The following TRIP12 variants were observed in gnomAD, a reference collection of about 807,000 sequenced individuals.
TRIP12 encodes thyroid hormone receptor interactor 12, also known as E3 ubiquitin-protein ligase TRIP12.
In TRIP12, 25 loss-of-function variants were observed where a neutral mutation model predicts 244.2. The ratio of observed to expected loss-of-function variants is 0.10; its 90% CI spans 0.07 to 0.14. The LOEUF is 0.14. Among genes scored for constraint, TRIP12 ranks in the 10% least tolerant of loss-of-function variants. TRIP12 has a pLI of 1.00. For missense variants in TRIP12, 1,677 were observed against 2,486.4 expected (o/e 0.67, Z 6.92); for synonymous variants, 905 against 873.1 (o/e 1.04, Z -0.64).
chr2:229,895,229 A>G (rs544121982), intron 1 of TRIP12, among the ~76,000 whole-genome samples: 19 of 152,332 alleles, frequency 1.2e-4, no homozygotes, highest in African/African-American at 4.3e-4. Context: ...AAAATAATAA[A>G]GCTCAGACAG....
At chr2:229,817,167 C>A (rs2154285785) in intron 9 of TRIP12, among the ~76,000 whole-genome samples, 1 of 152,276 alleles carries the variant, frequency 6.6e-6, no homozygotes, top group East Asian at 1.9e-4. Context: ...AAGCTATCTC[C>A]ATAATTTGAT....
At chr2:229,787,419 A>G in intron 33 of TRIP12, 86 bp downstream of exon 33, 2 of 1,401,840 alleles carry the variant, frequency 1.4e-6, no homozygotes, top group Non-Finnish European at 1.9e-6. Flanking sequence ...CAAGACCAAC[A>G]TGCATATTTA....
rs2047332062 is a variant in TRIP12 at position 229,811,891 on chromosome 2, C to T, written c.1987-687G>A. Among the ~76,000 whole-genome samples, 3 of 152,194 alleles carry T rather than the reference C, an allele frequency of 2.0e-5. No individual in the cohort carries two copies. The South Asian group carries it at 6.2e-4, about 32-fold the overall frequency. On this transcript the variant is annotated intron_variant, in intron 13 of 41. Coordinates refer to ENST00000675903, the MANE Select transcript of TRIP12 (RefSeq NM_001348323.3). ...TGTTTCTACAAAAATGAGAATAATT[C>T]AGATATTATAAAAGCCTATAGCCTA...
At chr2:229,787,382 G>A in intron 33 of TRIP12, 123 bp downstream of exon 33, 3 of 966,808 alleles carry the variant, frequency 3.1e-6, no homozygotes, top group East Asian at 5.5e-5. Flanking sequence ...AAGGAAAATA[G>A]GGCTAGCTGA....
At chr2:229,826,765 T>C (rs1237683261) in intron 8 of TRIP12, among the ~76,000 whole-genome samples, 1 of 152,146 alleles carries the variant, frequency 6.6e-6, no homozygotes, top group African/African-American at 2.4e-5. Context: ...TATGTTAATA[T>C]ATCTACAAAT....
intron 8 of TRIP12, among the ~76,000 whole-genome samples, chr2:229,821,437 G>A (rs952442406): frequency 1.3e-5 from 2 of 152,178 alleles, no homozygotes; most frequent in Non-Finnish European, 2.9e-5. Context: ...TCAAGGGAGA[G>A]ATAGCAATTA....
chr2:229,889,149 A>G (rs1263278313), intron 1 of TRIP12, among the ~76,000 whole-genome samples: 1 of 152,248 alleles, frequency 6.6e-6, no homozygotes, highest in Non-Finnish European at 1.5e-5. Context: ...TCAGAAGAGC[A>G]TATCAATCTC....
At chr2:229,851,301 G>A (rs961216294) in intron 4 of TRIP12, among the ~76,000 whole-genome samples, 9 of 152,288 alleles carry the variant, frequency 5.9e-5, no homozygotes, top group Admixed American at 4.6e-4. Context: ...CTCAGGGTTT[G>A]TGAATGCACC....
intron 2 of TRIP12, 100 bp from the exon 3 acceptor site, chr2:229,860,631 A>C: frequency 8.9e-7 from 1 of 1,126,564 alleles, no homozygotes; most frequent in Admixed American, 3.4e-5. Flanking sequence ...AGCTTCCCAC[A>C]ATTCATTGTT....
At chr2:229,901,889 TC>T (rs2071006902) in intron 1 of TRIP12, among the ~76,000 whole-genome samples, 1 of 152,032 alleles carries the variant, frequency 6.6e-6, no homozygotes, top group African/African-American at 2.4e-5. Context: ...CCACCTTTCT[TC>T]CCTGCTAAAA....
At chr2:229,852,272 T>A (rs1422661747) in intron 4 of TRIP12, among the ~76,000 whole-genome samples, 1 of 152,214 alleles carries the variant, frequency 6.6e-6, no homozygotes, top group Non-Finnish European at 1.5e-5. Flanking sequence ...AGTTTTTCTA[T>A]AAACAGGTTC....
Position 229,807,701 on chromosome 2 carries a change from C to G in TRIP12, c.2496+7G>C. 7 of 1,614,138 alleles carry G rather than the reference C, an allele frequency of 4.3e-6. No homozygotes were observed. The highest frequency in any genetic ancestry group is 5.1e-6 in the Non-Finnish European group (6 of 1,180,012). ...GACACATTTAAACGGTACGATGAAA[C>G]TACTACCTCAATGATCCGGCTGTCA... is the stretch of plus-strand genomic sequence containing the variant. On this transcript the variant is annotated splice_region_variant and intron_variant, in intron 17 of 41. Transcript: ENST00000675903.
chr2:229,874,049 TA>T (rs796344448), intron 2 of TRIP12, among the ~76,000 whole-genome samples: 106 of 141,260 alleles, frequency 7.5e-4, no homozygotes, highest in East Asian at 6.6e-3. Flanking sequence ...AAATAAACCA[TA>T]AAAAAAAAAC....
chr2:229,890,777 A>G (rs2067155638), intron 1 of TRIP12, among the ~76,000 whole-genome samples: 1 of 152,244 alleles, frequency 6.6e-6, no homozygotes, highest in Admixed American at 6.5e-5. Flanking sequence ...TTTAAATGCC[A>G]TACTCTATAG....
intron 19 of TRIP12, 104 bp from the exon 20 acceptor site, chr2:229,803,793 A>G (rs1365475144): frequency 2.1e-6 from 2 of 932,532 alleles, no homozygotes; most frequent in East Asian, 2.5e-5. Context: ...TTGTGAAACC[A>G]TTCTATTAAC....
intron 8 of TRIP12, among the ~76,000 whole-genome samples, 164 bp downstream of exon 8, chr2:229,829,029 C>G (rs2052557079): frequency 6.6e-6 from 1 of 152,134 alleles, no homozygotes; most frequent in Non-Finnish European, 1.5e-5. Flanking sequence ...CTGGATAATT[C>G]AGCAATGAAA....
At chr2:229,811,328 C>G (rs565632831) in intron 13 of TRIP12, 124 bp from the exon 14 acceptor site, 3 of 1,001,130 alleles carry the variant, frequency 3.0e-6, no homozygotes, top group Admixed American at 5.5e-5. Flanking sequence ...TAAATGACAG[C>G]TTTGAAAATG....
chr2:229,892,149 T>C (rs995179189), intron 1 of TRIP12, among the ~76,000 whole-genome samples: 31 of 152,222 alleles, frequency 2.0e-4, no homozygotes, highest in Non-Finnish European at 2.6e-4. Flanking sequence ...TATATGCACA[T>C]TGTGGTAAGT....
chr2:229,851,509 A>C (rs1184574315), intron 4 of TRIP12, among the ~76,000 whole-genome samples: 1 of 152,172 alleles, frequency 6.6e-6, no homozygotes. Context: ...AGATAAGAGA[A>C]TAAAAGCAGG....
Sources: allele counts gnomAD v4.1 joint callset (sites outside exome capture counted in the v4.1 genomes callset), GRCh38; gene constraint gnomAD v4.1.1; transcripts MANE v1.5; gene names NCBI Gene and HGNC (gene_info 2026-07-23, HGNC 2026-07-21).